OR4N2: variants seen among roughly 807,000 people sequenced by gnomAD.
OR4N2 encodes the protein olfactory receptor family 4 subfamily N member 2.
For synonymous variants in OR4N2, 141 were observed against 140.4 expected (o/e 1.00, Z -0.03); for missense variants, 307 against 377.6 (o/e 0.81, Z 1.55).
chr14:19,809,978 C>CA (rs200131094), intron 1 of OR4N2, among the ~76,000 whole-genome samples: 2 of 152,052 alleles, frequency 1.3e-5, no homozygotes, highest in Admixed American at 6.6e-5. Context: ...ACATTGACCA[C>CA]AAAAAAACAG....
At chr14:19,825,894 T>C (rs1238634545) in intron 1 of OR4N2, among the ~76,000 whole-genome samples, 2 of 152,258 alleles carry the variant, frequency 1.3e-5, no homozygotes, top group Non-Finnish European at 1.5e-5. Context: ...CACTGTTTAG[T>C]TAAATCATAT....
In OR4N2 at chr14:19,827,815, T is replaced by C. The variant is rs1879751048; in HGVS notation, c.367T>C (p.Tyr123His). The C allele has an allele frequency of 6.2e-7, 1 of 1,614,142 alleles. No individual in the cohort carries two copies. Among genetic ancestry groups the C allele is most frequent in the Non-Finnish European group, 8.5e-7 (1 of 1,180,050 alleles). Residue 123 changes from tyrosine to histidine, a missense_variant, in exon 2 of 2, where the codon TAC (tyrosine) becomes CAC (histidine). Tyr to His is a moderately conservative substitution (Grantham distance 83). Coordinates refer to ENST00000557677, the MANE Select transcript of OR4N2 (RefSeq NM_001004723.3). ...CCTTGTTGTGATGGCCTTTGACCGCTACATCGCCATCTGCCGGCCTCTGCA... is the reference window on the plus strand; with the variant it reads ...CCTTGTTGTGATGGCCTTTGACCGCCACATCGCCATCTGCCGGCCTCTGCA... Reference protein sequence around the residue: ...LLLVVMAFDRYIAICRPLHYP... With the variant: ...LLLVVMAFDRHIAICRPLHYP...
At chr14:19,812,291 T>C (rs1340589092) in intron 1 of OR4N2, among the ~76,000 whole-genome samples, 2 of 149,596 alleles carry the variant, frequency 1.3e-5, no homozygotes, top group Admixed American at 6.9e-5. Flanking sequence ...TTCTGTTATT[T>C]TTTGACTTTT....
intron 1 of OR4N2, among the ~76,000 whole-genome samples, chr14:19,826,718 A>T (rs1275370713): frequency 6.6e-6 from 1 of 152,270 alleles, no homozygotes; most frequent in Non-Finnish European, 1.5e-5. Flanking sequence ...TTAATATTTG[A>T]AACTCAAAAA....
chr14:19,820,021 A>G (rs918359721), intron 1 of OR4N2, among the ~76,000 whole-genome samples: 4 of 152,284 alleles, frequency 2.6e-5, no homozygotes, highest in African/African-American at 7.2e-5. Context: ...CAAATGCTGC[A>G]GAACAGCAAA....
intron 1 of OR4N2, among the ~76,000 whole-genome samples, chr14:19,826,245 C>A (rs1879696096): frequency 6.6e-6 from 1 of 152,212 alleles, no homozygotes; most frequent in Admixed American, 6.5e-5. Flanking sequence ...TATGAATTTT[C>A]TTCACAATGC....
At chr14:19,825,479 G>T (rs1879670540) in intron 1 of OR4N2, among the ~76,000 whole-genome samples, 2 of 145,440 alleles carry the variant, frequency 1.4e-5, no homozygotes, top group Admixed American at 6.8e-5. Flanking sequence ...AGCATTTTCT[G>T]TCAAAGAAAT....
At chr14:19,807,145 CT>C (rs1443182998) in intron 1 of OR4N2, among the ~76,000 whole-genome samples, 1 of 151,138 alleles carries the variant, frequency 6.6e-6, no homozygotes, top group Non-Finnish European at 1.5e-5. Context: ...TTAGAAAAAT[CT>C]GAATTTAATA....
At chr14:19,809,164 AT>A (rs1251624613) in intron 1 of OR4N2, among the ~76,000 whole-genome samples, 3 of 152,072 alleles carry the variant, frequency 2.0e-5, no homozygotes, top group Middle Eastern at 6.8e-3. Context: ...AAAAAAAAAA[AT>A]GAAACTTGAC....
At chr14:19,806,405 C>A (rs1171645095) in intron 1 of OR4N2, among the ~76,000 whole-genome samples, 1 of 151,952 alleles carries the variant, frequency 6.6e-6, no homozygotes, top group Admixed American at 6.6e-5. Flanking sequence ...AAAAAACAAA[C>A]AAACAAAAAT....
At chr14:19,812,383 A>ACAGC (rs1879322378) in intron 1 of OR4N2, among the ~76,000 whole-genome samples, 1 of 133,808 alleles carries the variant, frequency 7.5e-6, no homozygotes, top group African/African-American at 2.9e-5. Context: ...CTGGATCTCG[A>ACAGC]CAGTGGCGCA....
In OR4N2 at chr14:19,828,716, G is replaced by A. The variant is rs1239782242; in HGVS notation, c.*344G>A. 6.5e-5 allele frequency: 15 copies of A among 231,118 alleles called. No homozygotes were observed. The highest frequency in any genetic ancestry group is 7.7e-5 in the Non-Finnish European group (9 of 116,498). The allele number at this position is 231,118 out of a possible 1,614,324, so 14.3% of individuals were successfully genotyped here. A position where few individuals can be genotyped will look rare whatever the true frequency, so the allele number is the denominator to read the frequency against. ...TCAAAAAAGACCTTGAAGAGCTGAC[G>A]TTTTGGATGATATCTGGATAAACTG... On this transcript the variant is annotated 3_prime_UTR_variant, in exon 2 of 2. Coordinates refer to ENST00000557677, the MANE Select transcript of OR4N2 (RefSeq NM_001004723.3).
rs1339081946 is a variant in OR4N2, at chr14:19,827,485, A to C, written c.37A>C (p.Ile13Leu). ...SENRTVIREF[I>L]LLGLTQSQDI... Reference sequence around the variant, plus strand: ...GAACAGAACAGTGATAAGAGAATTCATCCTCCTTGGTCTGACCCAGTCTCA... The same window carrying C: ...GAACAGAACAGTGATAAGAGAATTCCTCCTCCTTGGTCTGACCCAGTCTCA... Residue 13 changes from isoleucine to leucine, a missense_variant, in exon 2 of 2, where the codon ATC (isoleucine) becomes CTC (leucine). Coordinates refer to ENST00000557677, the MANE Select transcript of OR4N2 (RefSeq NM_001004723.3). The C allele has an allele frequency of 6.2e-7, 1 of 1,608,130 alleles. No homozygotes were observed.
intron 1 of OR4N2, among the ~76,000 whole-genome samples, chr14:19,813,855 T>TTTTTTTTTTTGAG (rs1566464217): frequency 7.0e-6 from 1 of 143,636 alleles, no homozygotes; most frequent in African/African-American, 2.6e-5. Flanking sequence ...TTTTTTTTTT[T>TTTTTTTTTTTGAG]AAGTCATACA....
intron 1 of OR4N2, among the ~76,000 whole-genome samples, chr14:19,820,251 A>AT (rs1383143132): frequency 1.3e-5 from 2 of 152,192 alleles, no homozygotes; most frequent in Non-Finnish European, 2.9e-5. Flanking sequence ...GGATTCATTG[A>AT]TTTTTTGAAG....
chr14:19,823,710 A>C (rs1879622636), intron 1 of OR4N2, among the ~76,000 whole-genome samples: 1 of 152,214 alleles, frequency 6.6e-6, no homozygotes. Flanking sequence ...ACAATATTTA[A>C]AGAGAACAAA....
intron 1 of OR4N2, among the ~76,000 whole-genome samples, chr14:19,820,165 C>G (rs1879528460): frequency 6.6e-6 from 1 of 152,230 alleles, no homozygotes; most frequent in African/African-American, 2.4e-5. Flanking sequence ...GCACAGGCAT[C>G]AGGGAGCCAC....
In OR4N2 at chr14:19,828,010, G is replaced by T; in HGVS notation, c.562G>T (p.Ala188Ser). The change falls in exon 2 of 2, where the codon GCC becomes TCC. Residue 188 changes from alanine (A) to serine (S), a missense_variant. Physicochemically the swap from Ala to Ser is moderately conservative, Grantham distance 99 (BLOSUM62 1). Coordinates refer to ENST00000557677, the MANE Select transcript of OR4N2 (RefSeq NM_001004723.3). ...TGATGTCCCACAGGTCATCAAGCTG[G>T]CCTGCACCGACACATTTGTGGTGGA... ...FCDVPQVIKL[A>S]CTDTFVVELL... is the part of the protein sequence containing the mutation. 6.2e-7 allele frequency: 1 copy of T among 1,614,212 alleles called. No homozygotes were observed. Among genetic ancestry groups the T allele is most frequent in the Non-Finnish European group, 8.5e-7 (1 of 1,180,042 alleles).
intron 1 of OR4N2, among the ~76,000 whole-genome samples, chr14:19,819,888 T>A (rs1432487369): frequency 6.6e-6 from 1 of 152,266 alleles, no homozygotes; most frequent in Non-Finnish European, 1.5e-5. Context: ...TCCTTTTTGT[T>A]GATGCTGATG....
Sources: gnomAD v4.1 joint callset for allele counts (sites outside exome capture counted in the v4.1 genomes callset) on GRCh38, gnomAD v4.1.1 for gene constraint, MANE v1.5 for transcripts, NCBI Gene and HGNC (gene_info 2026-07-23, HGNC 2026-07-21) for gene names.